LRRK1: variants seen among roughly 807,000 people sequenced by gnomAD.
LRRK1 encodes the protein leucine-rich repeat serine/threonine-protein kinase 1.
In LRRK1, 113 loss-of-function variants were observed where a neutral mutation model predicts 209.1. That is an observed-to-expected ratio of 0.54 (90% CI 0.46 to 0.63). The LOEUF (loss-of-function observed/expected upper bound fraction) is 0.63. LRRK1 is among the 30% of genes least tolerant of loss of function. The probability of loss-of-function intolerance (pLI) is 0.00; values close to 1 mark genes in which losing one functional copy is unlikely to be tolerated. For missense variants in LRRK1, 2,284 were observed against 2,632.2 expected, an observed-to-expected ratio of 0.87 and a Z score of 2.89; for synonymous variants, 1,144 against 1,099.7, an observed-to-expected ratio of 1.04 and a Z score of -0.80.
chr15:101,066,687 C>T lies in LRRK1; in HGVS notation c.5816C>T (p.Ala1939Val). The change falls in exon 33 of 34, where the codon GCC (alanine) becomes GTC (valine). Residue 1939 changes from alanine (A) to valine (V), a missense_variant. Around this residue, in one of 6 missense-constraint regions of LRRK1, gnomAD observed 643 missense variants for 695.9 expected, o/e 0.92. Transcript: ENST00000388948. ...ATTGGCCTGGAGAAGGATTCTGGCG[C>T]CCAGCGGGGCCGAGTCATTGCCGTC... ...IVIGLEKDSGAQRGRVIAVLK... is the reference protein window; with the variant it reads ...IVIGLEKDSGVQRGRVIAVLK... 6.2e-7 allele frequency: 1 copy of T among 1,614,214 alleles called. No homozygotes were observed. Among genetic ancestry groups the T allele is most frequent in the Non-Finnish European group, 8.5e-7 (1 of 1,180,034 alleles).
At chr15:100,962,677 C>T (rs2030075117) in intron 2 of LRRK1, among the ~76,000 whole-genome samples, 1 of 149,472 alleles carries the variant, frequency 6.7e-6, no homozygotes, top group South Asian at 2.1e-4. Context: ...TCAGGTTTTA[C>T]AAACAAAAAT....
intron 9 of LRRK1, among the ~76,000 whole-genome samples, chr15:101,011,471 T>C (rs1232738934): frequency 7.3e-6 from 1 of 136,950 alleles, no homozygotes; most frequent in Non-Finnish European, 1.5e-5. Flanking sequence ...CAAGACTCTG[T>C]CTCAAAAAAA....
intron 2 of LRRK1, among the ~76,000 whole-genome samples, chr15:100,950,757 A>G (rs948826840): frequency 1.3e-5 from 2 of 152,242 alleles, no homozygotes; most frequent in African/African-American, 2.4e-5. Flanking sequence ...AAGGACTTGT[A>G]TCTGATTATA....
At chr15:101,049,461 G>A (rs778343334) in intron 22 of LRRK1, 183 bp from the exon 23 acceptor site, 67 of 583,264 alleles carry the variant, frequency 1.1e-4, no homozygotes, top group Middle Eastern at 9.5e-4. Context: ...GGCCAGGTCC[G>A]GGGCAAGAAC....
intron 2 of LRRK1, among the ~76,000 whole-genome samples, chr15:100,930,041 G>A (rs58740322): frequency 0.34 from 52,231 of 152,152 alleles, 11,114 homozygotes; most frequent in African/African-American, 0.6. Flanking sequence ...TCTTCTCCTG[G>A]TTACTTGTCT....
At chr15:100,953,533 T>TATATAGAC (rs1491326765) in intron 2 of LRRK1, among the ~76,000 whole-genome samples, 2 of 135,844 alleles carry the variant, frequency 1.5e-5, no homozygotes, top group African/African-American at 5.2e-5. Context: ...TATATATATA[T>TATATAGAC]ACACACATAT....
At chr15:100,938,424 C>A (rs1299076194) in intron 2 of LRRK1, among the ~76,000 whole-genome samples, 1 of 152,034 alleles carries the variant, frequency 6.6e-6, no homozygotes, top group Non-Finnish European at 1.5e-5. Context: ...TTTTTCATTT[C>A]TTGGTGTTGG....
chr15:101,000,153 C>T (rs2032618520), intron 6 of LRRK1, among the ~76,000 whole-genome samples: 2 of 152,174 alleles, frequency 1.3e-5, no homozygotes, highest in Non-Finnish European at 2.9e-5. Flanking sequence ...CTCTCCTTTC[C>T]CTACTCCCTG....
Position 101,003,312 on chromosome 15 carries a change from A to G in LRRK1, c.763-5525A>G, listed in dbSNP as rs2032792103. Reference sequence around the variant, plus strand: ...TGAGTTTATCAGATGTCAGTCCTGCAGAAGCACAGTGGGTATGTGCCTACA... The same window carrying G: ...TGAGTTTATCAGATGTCAGTCCTGCGGAAGCACAGTGGGTATGTGCCTACA... On this transcript the variant is annotated intron_variant, in intron 6 of 33. Transcript: ENST00000388948. Among the ~76,000 whole-genome samples, 3 of 152,196 alleles carry G rather than the reference A, an allele frequency of 2.0e-5. No homozygotes were observed. The South Asian group carries it at 6.2e-4, about 32-fold the overall frequency.
chr15:101,010,699 G>A lies in LRRK1; in HGVS notation c.1143G>A (p.Lys381=). 1 of 1,610,354 alleles carries A rather than the reference G, an allele frequency of 6.2e-7. No individual in the cohort carries two copies. The change falls in exon 9 of 34, where the codon AAG becomes AAA. Residue 381 remains lysine, a synonymous_variant. Coordinates refer to ENST00000388948, the MANE Select transcript of LRRK1 (RefSeq NM_024652.6). The part of the protein sequence containing the change: ...ENATNWIGLR[K]LQELDISDNK... ...CCACTAACTGGATAGGTTTACGGAA[G>A]CTACAGGAACTTGATATATCTGACA...
Position 101,070,131 on chromosome 15 carries a change from T to C in LRRK1, c.*1283T>C, listed in dbSNP as rs2925200. On this transcript the variant is annotated 3_prime_UTR_variant, in exon 34 of 34. Coordinates refer to ENST00000388948, the MANE Select transcript of LRRK1 (RefSeq NM_024652.6). ...GAACGAAGCTGTGGCCTCTGTCTTT[T>C]GAGCGCTTATGACCACAGCACGGGC... The C allele has an allele frequency of 0.73, 110,657 of 151,990 alleles. 40,427 individuals carry two copies. Among genetic ancestry groups the C allele is most frequent in the East Asian group, 0.87 (4,490 of 5,160 alleles). The allele number at this position is 151,990 out of a possible 1,614,324, so 9.4% of individuals were successfully genotyped here. A position where few individuals can be genotyped will look rare whatever the true frequency, so the allele number is the denominator to read the frequency against.
At position 101,075,419 on chromosome 15, in the gene LRRK1, C is replaced by T. The variant is rs1267846470; in HGVS notation, c.*6571C>T. 4.1e-5 allele frequency: 5 copies of T among 122,126 alleles called. No homozygotes were observed. The highest frequency in any genetic ancestry group is 2.0e-4 in the East Asian group (1 of 5,042). The allele number at this position is 122,126 out of a possible 1,614,324, so 7.6% of individuals were successfully genotyped here. On this transcript the variant is annotated 3_prime_UTR_variant, in exon 34 of 34. Transcript: ENST00000388948. ...CTTTGTGTCCTCCTCTTGTATCCCCCGACCTTAACCCATAAGTATAAGATA... is the reference window on the plus strand; with the variant it reads ...CTTTGTGTCCTCCTCTTGTATCCCCTGACCTTAACCCATAAGTATAAGATA...
Position 101,066,759 on chromosome 15 carries a change from C to A in LRRK1, c.5870+18C>A, listed in dbSNP as rs770224464. On this transcript the variant is annotated intron_variant, in intron 33 of 33. Coordinates refer to ENST00000388948, the MANE Select transcript of LRRK1 (RefSeq NM_024652.6). The stretch of plus-strand genomic sequence containing the variant: ...CCGCATGGGTAAGACTGAGTGGCAG[C>A]TCCTTTAGGACCCAGGCAGCAGCAT... 6.3e-7 allele frequency: 1 copy of A among 1,596,080 alleles called. No homozygotes were observed. Among genetic ancestry groups the A allele is most frequent in the Non-Finnish European group, 8.6e-7 (1 of 1,163,600 alleles).
intron 2 of LRRK1, among the ~76,000 whole-genome samples, chr15:100,934,349 G>A (rs1443378625): frequency 6.6e-6 from 1 of 152,100 alleles, no homozygotes; most frequent in Non-Finnish European, 1.5e-5. Flanking sequence ...CCCCAGCTTT[G>A]TGTTTGTCTT....
rs914619159 is a variant in LRRK1 at position 100,936,493 on chromosome 15, A to G, written c.97+11764A>G. ...TTTATTAAGAGAAAGAAAATCACAA[A>G]GCCTGAATCTGCAAGATGGCATGGC... On this transcript the variant is annotated intron_variant, in intron 2 of 33. Transcript: ENST00000388948. 2.0e-5 allele frequency among the ~76,000 whole-genome samples: 3 copies of G among 152,380 alleles called. No homozygotes were observed. In the South Asian group the frequency reaches 6.2e-4, roughly 32 times the overall value.
At chr15:101,023,587 G>A (rs2033892844) in intron 15 of LRRK1, among the ~76,000 whole-genome samples, 1 of 152,110 alleles carries the variant, frequency 6.6e-6, no homozygotes. Context: ...GGGATCCAAG[G>A]GGCAAGAGGC....
At chr15:101,000,385 A>C (rs565757489) in intron 6 of LRRK1, among the ~76,000 whole-genome samples, 35 of 152,294 alleles carry the variant, frequency 2.3e-4, no homozygotes, top group Admixed American at 2.3e-3. Context: ...TGTCAATGGA[A>C]TGTTCCCAGC....
chr15:101,022,642 A>C lies in LRRK1; in HGVS notation c.2067+45A>C. ...CAGAGTCCCTGTGGGTGGGAGGAACATCCCTTGGACTCCTTCTCCCTTCTC... is the reference window on the plus strand; with the variant it reads ...CAGAGTCCCTGTGGGTGGGAGGAACCTCCCTTGGACTCCTTCTCCCTTCTC... On this transcript the variant is annotated intron_variant, in intron 15 of 33. Coordinates refer to ENST00000388948, the MANE Select transcript of LRRK1 (RefSeq NM_024652.6). This position sits in a 1 kb window ranked among gnomAD's most constrained non-coding sequence, Gnocchi z 4.0. 7.3e-7 allele frequency: 1 copy of C among 1,372,186 alleles called. No homozygotes were observed. The highest frequency in any genetic ancestry group is 1.0e-6 in the Non-Finnish European group (1 of 994,682). 85.0% of individuals were successfully genotyped at this position (1,372,186 alleles called of 1,614,324 possible). A position where few individuals can be genotyped will look rare whatever the true frequency, so the allele number is the denominator to read the frequency against.
At chr15:100,941,469 T>TGC (rs1310705028) in intron 2 of LRRK1, among the ~76,000 whole-genome samples, 3 of 123,574 alleles carry the variant, frequency 2.4e-5, no homozygotes, top group Non-Finnish European at 5.2e-5. Context: ...TGTCTCTGTG[T>TGC]GTGTGTGTGT....
Sources: allele counts gnomAD v4.1 joint callset (sites outside exome capture counted in the v4.1 genomes callset), GRCh38; gene constraint gnomAD v4.1.1; regional missense constraint gnomAD v4.1.1; non-coding constraint Gnocchi (gnomAD v3.1); transcripts MANE v1.5; gene names NCBI Gene and HGNC (gene_info 2026-07-23, HGNC 2026-07-21).